BZW2: variants seen among roughly 807,000 people sequenced by gnomAD.
BZW2 encodes basic leucine zipper and W2 domains 2, also known as eIF5-mimic protein 1.
A neutral mutation model predicts 53.2 loss-of-function variants in BZW2; 23 were observed. The observed-to-expected ratio is 0.43, with a 90% CI of 0.31 to 0.61. BZW2 has a LOEUF of 0.61. Among genes scored for constraint, BZW2 ranks in the 20% least tolerant of loss-of-function variants. The pLI is 0.09. For synonymous variants in BZW2, 227 were observed against 186.4 expected (o/e 1.22, Z -1.77); for missense variants, 409 against 503.1 (o/e 0.81, Z 1.79).
chr7:16,675,471 C>T (rs1782736407), intron 3 of BZW2, among the ~76,000 whole-genome samples: 1 of 152,196 alleles, frequency 6.6e-6, no homozygotes. Flanking sequence ...AGCCAGCCTA[C>T]CTTGGCTTTG....
chr7:16,660,538 T>C (rs1298482627), intron 1 of BZW2, among the ~76,000 whole-genome samples: 102 of 152,100 alleles, frequency 6.7e-4, no homozygotes, highest in Non-Finnish European at 4.4e-5. Flanking sequence ...TGCAGACTAC[T>C]CTTCGAGCTA....
intron 2 of BZW2, among the ~76,000 whole-genome samples, chr7:16,671,929 T>TAAAAAAA (rs1782613117): frequency 3.9e-5 from 2 of 50,754 alleles, no homozygotes; most frequent in Non-Finnish European, 3.5e-5. Context: ...AGACCCTGTT[T>TAAAAAAA]CAAAAAAAAA....
intron 1 of BZW2, among the ~76,000 whole-genome samples, chr7:16,646,770 T>A (rs1781876056): frequency 6.6e-6 from 1 of 152,328 alleles, no homozygotes; most frequent in Admixed American, 6.5e-5. Flanking sequence ...CTCTTTGGCC[T>A]CTGTGGAAGC....
chr7:16,689,744 C>G lies in BZW2; in HGVS notation c.542-53C>G, dbSNP rs150344952. On this transcript the variant is annotated intron_variant, in intron 6 of 11. Coordinates refer to ENST00000258761, the MANE Select transcript of BZW2 (RefSeq NM_014038.3). ...GAAACCTGGTTGCTTTGCACACCAT[C>G]ACAATTGGTTTTGCTCGTAAAAGGA... 27 of 1,474,468 alleles carry G rather than the reference C, an allele frequency of 1.8e-5. No homozygotes were observed. The African/African-American group carries it at 2.8e-4, about 15-fold the overall frequency. 91.3% of individuals were successfully genotyped at this position (1,474,468 alleles called of 1,614,324 possible). A position where few individuals can be genotyped will look rare whatever the true frequency, so the allele number is the denominator to read the frequency against.
chr7:16,686,126 T>C (rs768014464), intron 6 of BZW2, 86 bp downstream of exon 6: 210 of 1,541,106 alleles, frequency 1.4e-4, no homozygotes, highest in Middle Eastern at 6.8e-4. Context: ...GTGGCTCTTT[T>C]TGGTGTCCTC....
intron 1 of BZW2, among the ~76,000 whole-genome samples, chr7:16,663,396 A>T (rs1230631956): frequency 6.6e-6 from 1 of 152,130 alleles, no homozygotes; most frequent in Non-Finnish European, 1.5e-5. Flanking sequence ...TTTACTTTAT[A>T]GGGTTGGCAA....
chr7:16,647,240 C>T (rs1192519733), intron 1 of BZW2, among the ~76,000 whole-genome samples: 1 of 152,006 alleles, frequency 6.6e-6, no homozygotes, highest in Non-Finnish European at 1.5e-5. Context: ...CTGTTGTTTC[C>T]CTACAGAGTA....
intron 1 of BZW2, among the ~76,000 whole-genome samples, chr7:16,654,321 T>C (rs887053341): frequency 6.6e-6 from 1 of 151,974 alleles, no homozygotes; most frequent in African/African-American, 2.4e-5. Flanking sequence ...CATTTCCTTC[T>C]CTATAAGAGT....
chr7:16,668,495 A>T lies in BZW2; in HGVS notation c.58+2994A>T, dbSNP rs998138515. Among the ~76,000 whole-genome samples, 6 of 152,336 alleles carry T rather than the reference A, an allele frequency of 3.9e-5. No individual in the cohort carries two copies. In the East Asian group the frequency reaches 1.2e-3, roughly 29 times the overall value. The stretch of plus-strand genomic sequence containing the variant: ...GCCAAACTCCTGATGGGGGAATAAA[A>T]ATTGAGTCAACTTCATTTTCTGCTC... On this transcript the variant is annotated intron_variant, in intron 2 of 11. Transcript: ENST00000258761.
At chr7:16,696,593 A>T (rs1177280779) in intron 8 of BZW2, among the ~76,000 whole-genome samples, 2 of 152,226 alleles carry the variant, frequency 1.3e-5, no homozygotes, top group Non-Finnish European at 2.9e-5. Flanking sequence ...CAAAAAGTCA[A>T]ACTGGCTCAA....
rs371407289 is a variant in BZW2 at position 16,681,313 on chromosome 7, C to T, written c.248C>T (p.Thr83Met). ...TTTCTCTTTTTAGCCCCTGGAGGAA[C>T]GCGCATAGATGATGGTGACAAGACC... is the stretch of plus-strand genomic sequence containing the variant. ...VAGSMLAPGG[T>M]RIDDGDKTKM... The change falls in exon 4 of 12, where the codon ACG becomes ATG. Residue 83 changes from threonine (T) to methionine (M), a missense_variant. By Grantham distance (81) the Thr-to-Met change is moderately conservative. Around this residue, in one of 3 missense-constraint regions of BZW2, gnomAD observed 316 missense variants for 366.8 expected, o/e 0.86. Transcript: ENST00000258761. 1.2e-5 allele frequency: 19 copies of T among 1,613,510 alleles called. No homozygotes were observed. In the African/African-American group the frequency reaches 1.6e-4, roughly 14 times the overall value.
chr7:16,702,547 C>T (rs201219767), intron 10 of BZW2, among the ~76,000 whole-genome samples: 1 of 152,072 alleles, frequency 6.6e-6, no homozygotes, highest in African/African-American at 2.4e-5. Flanking sequence ...ATAGGTTTTA[C>T]CTATCATTTA....
chr7:16,666,388 C>CA (rs1782427391), intron 2 of BZW2, among the ~76,000 whole-genome samples: 6 of 94,196 alleles, frequency 6.4e-5, no homozygotes, highest in Admixed American at 9.0e-5. Flanking sequence ...GTATAAAAGA[C>CA]TTTTATTTAT....
At chr7:16,695,602 A>G (rs1372782627) in intron 8 of BZW2, among the ~76,000 whole-genome samples, 1 of 152,218 alleles carries the variant, frequency 6.6e-6, no homozygotes, top group Non-Finnish European at 1.5e-5. Context: ...ATAGTTCACA[A>G]AGCAATGACT....
Position 16,694,954 on chromosome 7 carries a change from C to T in BZW2, c.772C>T (p.Leu258=), listed in dbSNP as rs771637961. The T allele has an allele frequency of 1.3e-6, 2 of 1,597,226 alleles. No homozygotes were observed. Among genetic ancestry groups the T allele is most frequent in the African/African-American group, 2.7e-5 (2 of 74,730 alleles). The change falls in exon 8 of 12, where the codon CTG becomes TTG. Residue 258 remains leucine (L), a synonymous_variant. Transcript: ENST00000258761. ...VQQSLGTRKE[L]QKELQERLSQ... ...GCAGTCCCTGGGCACCAGGAAGGAA[C>T]TGCAGAAGGAGCTCCAGGAGCGTCT...
intron 8 of BZW2, 47 bp from the exon 9 acceptor site, chr7:16,696,868 C>T: frequency 6.3e-7 from 1 of 1,595,770 alleles, no homozygotes; most frequent in Non-Finnish European, 8.6e-7. Flanking sequence ...GAGATGGGAG[C>T]CCTCCATCTG....
At chr7:16,655,482 G>A (rs1782101071) in intron 1 of BZW2, among the ~76,000 whole-genome samples, 2 of 152,106 alleles carry the variant, frequency 1.3e-5, no homozygotes, top group Admixed American at 1.3e-4. Context: ...AGGGTGATTA[G>A]CATATTCATT....
At chr7:16,649,802 G>A (rs779044121) in intron 1 of BZW2, among the ~76,000 whole-genome samples, 4 of 152,168 alleles carry the variant, frequency 2.6e-5, no homozygotes, top group Non-Finnish European at 1.5e-5. Context: ...AGACAGCTGA[G>A]ATTTGCTTTA....
intron 7 of BZW2, among the ~76,000 whole-genome samples, chr7:16,691,719 A>G (rs757289292): frequency 1.6e-4 from 24 of 152,360 alleles, no homozygotes; most frequent in Non-Finnish European, 3.4e-4. Flanking sequence ...AAGGTGTATG[A>G]TTGGGAACAA....
Sources: gnomAD v4.1 joint callset for allele counts (sites outside exome capture counted in the v4.1 genomes callset) on GRCh38, gnomAD v4.1.1 for gene constraint, gnomAD v4.1.1 regional missense constraint, MANE v1.5 for transcripts, NCBI Gene and HGNC (gene_info 2026-07-23, HGNC 2026-07-21) for gene names.